Variants in CCDC171 observed in about 807,000 individuals in gnomAD.
CCDC171 encodes the protein coiled-coil domain containing 171, also known as coiled-coil domain-containing protein 171.
CCDC171 carries 177 observed loss-of-function variants against 168.2 expected under a neutral mutation model. The observed-to-expected ratio is 1.05, with a 90% CI of 0.93 to 1.19. CCDC171 has a LOEUF of 1.19. Ranked by LOEUF, CCDC171 falls within the 50% of genes most tolerant of loss-of-function variation. CCDC171 has a pLI of 0.00. For missense variants in CCDC171, 1,991 were observed against 1,539.0 expected, an observed-to-expected ratio of 1.29 and a Z score of -4.91; for synonymous variants, 687 against 540.8, an observed-to-expected ratio of 1.27 and a Z score of -3.75.
intron 1 of CCDC171, among the ~76,000 whole-genome samples, chr9:15,560,584 A>G (rs1334533332): frequency 6.6e-6 from 1 of 152,102 alleles, no homozygotes; most frequent in African/African-American, 2.4e-5. Flanking sequence ...CCATCAGGTC[A>G]TTCAGGGATT....
At chr9:16,087,177 G>A in the CCDC171 span, among the ~76,000 whole-genome samples, 30 of 152,272 alleles carry the variant, frequency 2.0e-4, no homozygotes, top group Admixed American at 8.5e-4. Flanking sequence ...GAATAAGTGT[G>A]ATGTGGTGCT....
At chr9:15,778,027 G>A (rs879490534) in intron 19 of CCDC171, among the ~76,000 whole-genome samples, 21 of 152,254 alleles carry the variant, frequency 1.4e-4, no homozygotes, top group Non-Finnish European at 2.9e-4. Flanking sequence ...GCCGGGCGCG[G>A]TGGCTCACGC....
chr9:15,665,203 G>A (rs7034484), intron 8 of CCDC171, among the ~76,000 whole-genome samples: 6 of 151,638 alleles, frequency 4.0e-5, no homozygotes, highest in African/African-American at 1.5e-4. Context: ...CACAGCCCAC[G>A]GCAGCTTCTG....
At chr9:16,007,084 C>G (rs1442354131) in intron 3 of CCDC171, among the ~76,000 whole-genome samples, 1 of 152,178 alleles carries the variant, frequency 6.6e-6, no homozygotes, top group Non-Finnish European at 1.5e-5. Flanking sequence ...CACATCCTCT[C>G]CAGCACCCAT....
At chr9:15,706,064 C>G (rs931940749) in intron 11 of CCDC171, among the ~76,000 whole-genome samples, 2 of 152,138 alleles carry the variant, frequency 1.3e-5, no homozygotes, top group African/African-American at 2.4e-5. Context: ...TTGATTGCCT[C>G]TATCATTAGG....
Position 15,729,604 on chromosome 9 carries a change from G to GT in CCDC171, c.1861-5dup. On this transcript the variant is annotated splice_polypyrimidine_tract_variant and splice_region_variant and intron_variant, in intron 15 of 25. Coordinates refer to ENST00000380701, the MANE Select transcript of CCDC171 (RefSeq NM_173550.4). Reference sequence around the variant, plus strand: ...ATTTCCTTCTCTGTTGCATCTCCCCGTATAGATAAGGCATCTAGAGTATAT... The same window carrying GT: ...ATTTCCTTCTCTGTTGCATCTCCCCGTTATAGATAAGGCATCTAGAGTATAT... 1 of 1,593,762 alleles carries GT rather than the reference G, an allele frequency of 6.3e-7. No homozygotes were observed. Among genetic ancestry groups the GT allele is most frequent in the Non-Finnish European group, 8.6e-7 (1 of 1,166,704 alleles).
At chr9:15,805,752 A>G (rs2059042769) in intron 21 of CCDC171, among the ~76,000 whole-genome samples, 2 of 152,108 alleles carry the variant, frequency 1.3e-5, no homozygotes, top group Non-Finnish European at 2.9e-5. Context: ...TTCTGTGGGC[A>G]TGTGTCAGGT....
At chr9:15,557,000 C>G (rs1192328758) in intron 1 of CCDC171, among the ~76,000 whole-genome samples, 1 of 152,154 alleles carries the variant, frequency 6.6e-6, no homozygotes, top group African/African-American at 2.4e-5. Flanking sequence ...AATAGGGAAT[C>G]CTTTCCCCAT....
chr9:15,804,047 A>G (rs756783364), intron 21 of CCDC171, among the ~76,000 whole-genome samples: 3 of 152,032 alleles, frequency 2.0e-5, no homozygotes, highest in African/African-American at 4.8e-5. Flanking sequence ...CTGTTGGTGT[A>G]TGGGAATGCT....
chr9:16,087,821 A>G, the CCDC171 span, among the ~76,000 whole-genome samples: 1 of 151,938 alleles, frequency 6.6e-6, no homozygotes, highest in African/African-American at 2.4e-5. Context: ...CCTTTAGTTG[A>G]TGCAGTTTCT....
At chr9:15,822,555 A>G (rs557389446) in intron 21 of CCDC171, among the ~76,000 whole-genome samples, 114 of 152,332 alleles carry the variant, frequency 7.5e-4, no homozygotes, top group African/African-American at 2.6e-3. Flanking sequence ...AAAAGAAGAC[A>G]TTTATGCAGC....
intron 24 of CCDC171, among the ~76,000 whole-genome samples, chr9:15,898,027 C>A (rs1317840464): frequency 6.6e-6 from 1 of 152,116 alleles, no homozygotes; most frequent in African/African-American, 2.4e-5. Context: ...TATTGGAAGG[C>A]AGCTATAATC....
At chr9:15,573,545 G>A (rs1387799344) in intron 3 of CCDC171, among the ~76,000 whole-genome samples, 1 of 152,042 alleles carries the variant, frequency 6.6e-6, no homozygotes, top group African/African-American at 2.4e-5. Context: ...GCCTCCCAAA[G>A]TGCTGGGATT....
intron 11 of CCDC171, among the ~76,000 whole-genome samples, chr9:15,720,773 T>C (rs2053426559): frequency 1.3e-5 from 2 of 152,330 alleles, no homozygotes; most frequent in South Asian, 4.1e-4. Context: ...ATGTGCCATG[T>C]TGGTGTGCTG....
intron 1 of CCDC171, among the ~76,000 whole-genome samples, chr9:15,560,991 C>T (rs1015475116): frequency 7.9e-5 from 12 of 152,140 alleles, no homozygotes; most frequent in Non-Finnish European, 1.8e-4. Flanking sequence ...TGGAGGTGCA[C>T]TTCAGACCCT....
chr9:16,007,837 T>A (rs1222347905), intron 3 of CCDC171, among the ~76,000 whole-genome samples: 1 of 152,166 alleles, frequency 6.6e-6, no homozygotes, highest in South Asian at 2.1e-4. Context: ...TACTGTAGCC[T>A]TGTAGTATAG....
At position 15,729,679 on chromosome 9, in the gene CCDC171, G is replaced by C; in HGVS notation, c.1930G>C (p.Asp644His). Residue 644 changes from aspartate (D) to histidine (H), a missense_variant, in exon 16 of 26, where the codon GAC (aspartate) becomes CAC (histidine). Coordinates refer to ENST00000380701, the MANE Select transcript of CCDC171 (RefSeq NM_173550.4). The part of the protein sequence containing the change: ...TMRELQQTQE[D>H]TFTKVAEQIK... ...GAGAGAGCTTCAGCAGACTCAGGAA[G>C]ACACCTTTACCAAAGTGGCAGAACA... The C allele has an allele frequency of 1.2e-6, 2 of 1,613,324 alleles. No individual in the cohort carries two copies. The highest frequency in any genetic ancestry group is 1.1e-5 in the South Asian group (1 of 91,030).
chr9:15,736,378 C>A (rs1192038276), intron 16 of CCDC171, among the ~76,000 whole-genome samples: 1 of 151,378 alleles, frequency 6.6e-6, no homozygotes, highest in Non-Finnish European at 1.5e-5. Context: ...GGAGCTAGTA[C>A]CTCACTACAT....
At chr9:15,968,812 T>TAA (rs1269637114) in intron 25 of CCDC171, among the ~76,000 whole-genome samples, 2 of 152,224 alleles carry the variant, frequency 1.3e-5, no homozygotes, top group Admixed American at 6.5e-5. Context: ...GTGCTGGGAT[T>TAA]ACAAGTGTGA....
Sources: allele counts gnomAD v4.1 joint callset (sites outside exome capture counted in the v4.1 genomes callset), GRCh38; gene constraint gnomAD v4.1.1; transcripts MANE v1.5; gene names NCBI Gene and HGNC (gene_info 2026-07-23, HGNC 2026-07-21).